VDAC1: variants seen among roughly 807,000 people sequenced by gnomAD.
VDAC1 encodes the protein non-selective voltage-gated ion channel VDAC1.
Under a neutral mutation model 34.7 loss-of-function variants are expected in VDAC1, and 10 were observed. The observed-to-expected ratio is 0.29, with a 90% CI of 0.18 to 0.49. VDAC1 has a LOEUF of 0.49. Ranked by LOEUF, VDAC1 falls within the 20% of genes least tolerant of loss-of-function variation. The pLI, the probability that VDAC1 is intolerant of heterozygous loss-of-function variation, is 0.99. For missense variants in VDAC1, 230 were observed against 347.9 expected (o/e 0.66, Z 2.69); for synonymous variants, 130 against 136.0 (o/e 0.96, Z 0.30).
the VDAC1 span, among the ~76,000 whole-genome samples, chr5:134,026,784 A>G: frequency 3.3e-5 from 5 of 152,148 alleles, no homozygotes; most frequent in Non-Finnish European, 7.4e-5. Flanking sequence ...CAAGCCCGTC[A>G]CCCCAAGCCT....
At chr5:133,980,421 C>A (rs1752645292) in intron 6 of VDAC1, among the ~76,000 whole-genome samples, 1 of 152,126 alleles carries the variant, frequency 6.6e-6, no homozygotes, top group African/African-American at 2.4e-5. Context: ...ACAAAAACTG[C>A]AGGGAATGGA....
chr5:133,992,504 T>G, intron 2 of VDAC1, 149 bp from the exon 3 acceptor site: 1 of 515,712 alleles, frequency 1.9e-6, no homozygotes, highest in Non-Finnish European at 3.3e-6. Flanking sequence ...CTGCTGCTCG[T>G]GGGGGGAGCT....
At chr5:133,984,732 T>C (rs1752843887) in intron 5 of VDAC1, among the ~76,000 whole-genome samples, 1 of 152,078 alleles carries the variant, frequency 6.6e-6, no homozygotes, top group South Asian at 2.1e-4. Flanking sequence ...GCTTAGGAGT[T>C]CAAGACCAGC....
At chr5:133,973,921 CT>C in intron 7 of VDAC1, 73 bp from the exon 8 acceptor site, 1 of 1,464,858 alleles carries the variant, frequency 6.8e-7, no homozygotes, top group South Asian at 1.2e-5. Flanking sequence ...AAAATTAGAG[CT>C]TTTTAGTCAA....
chr5:133,992,648 C>T (rs1206930760), intron 2 of VDAC1, among the ~76,000 whole-genome samples: 1 of 152,250 alleles, frequency 6.6e-6, no homozygotes, highest in Non-Finnish European at 1.5e-5. Flanking sequence ...TGGGCATGTG[C>T]CTAAGCACAG....
the VDAC1 span, among the ~76,000 whole-genome samples, chr5:134,020,041 C>T: frequency 2.0e-5 from 3 of 151,984 alleles, no homozygotes; most frequent in Admixed American, 2.0e-4. Context: ...CATACCTGCC[C>T]CCTGTGACCT....
the VDAC1 span, among the ~76,000 whole-genome samples, chr5:134,030,160 G>GTC: frequency 1.3e-5 from 2 of 152,028 alleles, no homozygotes; most frequent in African/African-American, 2.4e-5. Flanking sequence ...GACCAACATG[G>GTC]AGAAACCCTA....
At chr5:134,077,276 C>CAAAA in the VDAC1 span, among the ~76,000 whole-genome samples, 11 of 101,136 alleles carry the variant, frequency 1.1e-4, no homozygotes, top group African/African-American at 3.2e-4. Context: ...GACTCCATCT[C>CAAAA]AAAAAAAAAA....
At chr5:134,063,737 A>G in the VDAC1 span, among the ~76,000 whole-genome samples, 1 of 152,238 alleles carries the variant, frequency 6.6e-6, no homozygotes, top group East Asian at 1.9e-4. Flanking sequence ...AGGTAAGACC[A>G]GCAGAAGAAC....
At chr5:133,984,382 C>T (rs1752823130) in intron 5 of VDAC1, among the ~76,000 whole-genome samples, 1 of 141,834 alleles carries the variant, frequency 7.1e-6, no homozygotes, top group Non-Finnish European at 1.5e-5. Flanking sequence ...TAGAGCAATG[C>T]AAGGACAAGA....
chr5:134,052,208 A>T, the VDAC1 span, among the ~76,000 whole-genome samples: 1 of 151,642 alleles, frequency 6.6e-6, no homozygotes, highest in East Asian at 1.9e-4. Context: ...ACTCTGATTG[A>T]CCTCATTCTC....
the VDAC1 span, among the ~76,000 whole-genome samples, chr5:134,026,854 T>A: frequency 6.6e-6 from 1 of 152,228 alleles, no homozygotes; most frequent in African/African-American, 2.4e-5. Flanking sequence ...GAAACTGGCA[T>A]CAGATTCCCT....
At chr5:134,065,497 C>T in the VDAC1 span, among the ~76,000 whole-genome samples, 5 of 151,636 alleles carry the variant, frequency 3.3e-5, no homozygotes, top group Admixed American at 2.0e-4. Context: ...TGCGCCACCA[C>T]ACCCAGCCAA....
chr5:134,109,912 C>G, the VDAC1 span, among the ~76,000 whole-genome samples: 1 of 152,200 alleles, frequency 6.6e-6, no homozygotes, highest in African/African-American at 2.4e-5. Flanking sequence ...CTGGCACTCC[C>G]GACCCCTTGG....
chr5:134,009,774 C>T (rs1753803617), upstream of VDAC1, among the ~76,000 whole-genome samples: 1 of 151,838 alleles, frequency 6.6e-6, no homozygotes, highest in Admixed American at 6.6e-5. Context: ...CTCCACCTCC[C>T]GAGTTAAGCT....
Position 133,992,293 on chromosome 5 carries a change from T to G in VDAC1, c.117+13A>C. ...AATAAATACTCATGTTCCATGTGGG[T>G]TGGACAACTTACCAATCCATTCTCA... is the stretch of plus-strand genomic sequence containing the variant. On this transcript the variant is annotated intron_variant, in intron 3 of 8. Coordinates refer to ENST00000265333, the MANE Select transcript of VDAC1 (RefSeq NM_003374.3). The G allele has an allele frequency of 6.4e-7, 1 of 1,559,366 alleles. No individual in the cohort carries two copies. The highest frequency in any genetic ancestry group is 1.2e-5 in the South Asian group (1 of 80,136).
At chr5:134,105,567 A>T in the VDAC1 span, among the ~76,000 whole-genome samples, 1 of 152,256 alleles carries the variant, frequency 6.6e-6, no homozygotes, top group South Asian at 2.1e-4. Flanking sequence ...TTTACTGGAT[A>T]TCTGCTCTCT....
chr5:134,102,174 T>A, the VDAC1 span, among the ~76,000 whole-genome samples: 1 of 150,644 alleles, frequency 6.6e-6, no homozygotes, highest in African/African-American at 2.4e-5. Flanking sequence ...CCAGGGGGGG[T>A]CTGTGAGCAG....
the VDAC1 span, among the ~76,000 whole-genome samples, chr5:134,073,452 C>A: frequency 2.3e-4 from 35 of 152,200 alleles, no homozygotes; most frequent in Non-Finnish European, 4.6e-4. Context: ...CCATACCCAA[C>A]AAAGTTTGAG....
Sources: allele counts gnomAD v4.1 joint callset (sites outside exome capture counted in the v4.1 genomes callset), GRCh38; gene constraint gnomAD v4.1.1; transcripts MANE v1.5; gene names NCBI Gene and HGNC (gene_info 2026-07-23, HGNC 2026-07-21).